The following DOCK4 variants were observed in gnomAD, a reference collection of about 807,000 sequenced individuals.
The protein encoded by DOCK4 is dedicator of cytokinesis 4.
DOCK4 carries 97 observed loss-of-function variants against 268.1 expected under a neutral mutation model. The ratio of observed to expected loss-of-function variants is 0.36; its 90% CI spans 0.31 to 0.43. DOCK4 has a LOEUF of 0.43. DOCK4 is among the 20% of genes least tolerant of loss of function. DOCK4 has a pLI of 1.00. For synonymous variants in DOCK4, 954 were observed against 887.2 expected (o/e 1.08, Z -1.34); for missense variants, 2,145 against 2,455.7 (o/e 0.87, Z 2.67).
intron 16 of DOCK4, among the ~76,000 whole-genome samples, chr7:111,880,032 G>T (rs909991659): frequency 6.6e-6 from 1 of 152,168 alleles, no homozygotes; most frequent in African/African-American, 2.4e-5. Flanking sequence ...GATAATAACA[G>T]AGAAATTCCC....
At chr7:112,136,114 C>T (rs949399724) in intron 1 of DOCK4, among the ~76,000 whole-genome samples, 6 of 152,154 alleles carry the variant, frequency 3.9e-5, no homozygotes, top group African/African-American at 1.2e-4. Flanking sequence ...GAAGTTTTGG[C>T]CTCAGTGTGG....
intron 1 of DOCK4, among the ~76,000 whole-genome samples, chr7:112,113,631 G>A (rs928326710): frequency 6.6e-6 from 1 of 151,664 alleles, no homozygotes; most frequent in Middle Eastern, 3.4e-3. Flanking sequence ...TGGAGTACAG[G>A]GGTGCAATCA....
intron 8 of DOCK4, chr7:111,953,593 G>A (rs1194896237): frequency 6.6e-6 from 1 of 152,248 alleles, no homozygotes. Context: ...TTAAGAAGTA[G>A]GTGCTGTAAA....
intron 44 of DOCK4, 30 bp downstream of exon 44, chr7:111,746,304 T>G: frequency 6.3e-7 from 1 of 1,590,096 alleles, no homozygotes; most frequent in East Asian, 2.2e-5. Flanking sequence ...CCAGGCAAAA[T>G]AGAAGGGGGT....
intron 1 of DOCK4, among the ~76,000 whole-genome samples, chr7:112,012,665 T>C (rs182607165): frequency 4.5e-4 from 68 of 152,094 alleles, no homozygotes; most frequent in African/African-American, 1.4e-3. Flanking sequence ...TTGGAAAAAA[T>C]AAATGAAAAA....
intron 52 of DOCK4, among the ~76,000 whole-genome samples, chr7:111,730,770 C>T (rs1795029871): frequency 6.6e-6 from 1 of 152,186 alleles, no homozygotes; most frequent in Admixed American, 6.5e-5. Context: ...TGTTCTCTTC[C>T]TTCAAACCCT....
chr7:111,831,764 C>T (rs1388214974), intron 26 of DOCK4, among the ~76,000 whole-genome samples: 1 of 152,132 alleles, frequency 6.6e-6, no homozygotes, highest in Non-Finnish European at 1.5e-5. Flanking sequence ...TCCCAAATTA[C>T]AGGCATGAGG....
chr7:112,098,071 G>A (rs1182492199), intron 1 of DOCK4, among the ~76,000 whole-genome samples: 1 of 152,120 alleles, frequency 6.6e-6, no homozygotes, highest in Admixed American at 6.6e-5. Flanking sequence ...ACACTGAAAT[G>A]AAAAGTCATA....
chr7:111,749,579 TAAAAC>T (rs1286843012), intron 42 of DOCK4, among the ~76,000 whole-genome samples: 2 of 151,758 alleles, frequency 1.3e-5, no homozygotes, highest in Admixed American at 6.6e-5. Flanking sequence ...TAAAAGTAAA[TAAAAC>T]AAGACATAAT....
chr7:112,188,545 T>C (rs889275554), intron 1 of DOCK4, among the ~76,000 whole-genome samples: 3 of 152,238 alleles, frequency 2.0e-5, no homozygotes, highest in African/African-American at 7.2e-5. Flanking sequence ...TGAAGAGCTT[T>C]ATTACATCAG....
chr7:111,995,975 C>T (rs1054777741), intron 4 of DOCK4, among the ~76,000 whole-genome samples: 2 of 152,058 alleles, frequency 1.3e-5, no homozygotes, highest in African/African-American at 4.8e-5. Flanking sequence ...AATGGTGGTA[C>T]ATTTATTTTG....
chr7:111,802,784 A>G (rs370516019), intron 30 of DOCK4, among the ~76,000 whole-genome samples: 1 of 152,212 alleles, frequency 6.6e-6, no homozygotes, highest in East Asian at 1.9e-4. Context: ...CACAGAAAAT[A>G]GTTAAAAAAA....
Position 112,000,477 on chromosome 7 carries a change from G to T in DOCK4, c.162+17C>A. ...TTAATAAATTTCATAATTATAGTTA[G>T]AAATAACAATTTTTACCTTGATATT... On this transcript the variant is annotated intron_variant, in intron 3 of 52. Coordinates refer to ENST00000428084, the MANE Select transcript of DOCK4 (RefSeq NM_001363540.2). The T allele has an allele frequency of 7.2e-7, 1 of 1,396,406 alleles. No homozygotes were observed. The highest frequency in any genetic ancestry group is 9.8e-7 in the Non-Finnish European group (1 of 1,015,318). 86.5% of individuals were successfully genotyped at this position (1,396,406 alleles called of 1,614,324 possible). A position where few individuals can be genotyped will look rare whatever the true frequency, so the allele number is the denominator to read the frequency against.
intron 20 of DOCK4, 143 bp downstream of exon 20, chr7:111,871,847 G>A: frequency 1.9e-6 from 1 of 521,868 alleles, no homozygotes; most frequent in Middle Eastern, 2.9e-4. Context: ...TGTGTTAGCA[G>A]GGAAGAGACT....
intron 1 of DOCK4, among the ~76,000 whole-genome samples, chr7:112,050,661 A>G (rs1416031694): frequency 4.6e-5 from 7 of 152,076 alleles, no homozygotes; most frequent in Non-Finnish European, 8.8e-5. Flanking sequence ...AGAGAGAGAG[A>G]TAGCAAGCGT....
At chr7:111,944,948 T>A in intron 9 of DOCK4, 77 bp from the exon 10 acceptor site, 1 of 1,205,950 alleles carries the variant, frequency 8.3e-7, no homozygotes, top group Non-Finnish European at 1.2e-6. Context: ...TTTTCACAAA[T>A]AAAAGAAGAA....
chr7:111,830,076 T>G (rs1050096166), intron 26 of DOCK4, among the ~76,000 whole-genome samples: 4 of 152,178 alleles, frequency 2.6e-5, no homozygotes, highest in Non-Finnish European at 5.9e-5. Context: ...TTCAGGAACA[T>G]AACTAGAAAT....
intron 1 of DOCK4, among the ~76,000 whole-genome samples, chr7:112,109,768 G>A (rs1272936699): frequency 1.4e-5 from 2 of 139,690 alleles, no homozygotes; most frequent in Non-Finnish European, 3.0e-5. Context: ...TTTTTGAGAC[G>A]GAGTCTCGCT....
intron 36 of DOCK4, 126 bp from the exon 37 acceptor site, chr7:111,769,803 A>G (rs904189857): frequency 3.1e-5 from 35 of 1,128,092 alleles, no homozygotes; most frequent in Non-Finnish European, 4.0e-5. Context: ...TATAGCAGAA[A>G]AATATCCAGA....
Sources: gnomAD v4.1 joint callset for allele counts (sites outside exome capture counted in the v4.1 genomes callset) on GRCh38, gnomAD v4.1.1 for gene constraint, MANE v1.5 for transcripts, NCBI Gene and HGNC (gene_info 2026-07-23, HGNC 2026-07-21) for gene names.